FARS2: variants seen among roughly 807,000 people sequenced by gnomAD.
FARS2 encodes phenylalanine--tRNA ligase, mitochondrial.
Under a neutral mutation model 46.4 loss-of-function variants are expected in FARS2, and 40 were observed. That is an observed-to-expected ratio of 0.86 (90% CI 0.67 to 1.12). The LOEUF is 1.12. Ranked by LOEUF, FARS2 falls within the 50% of genes most tolerant of loss-of-function variation. The pLI is 0.00. For missense variants in FARS2, 513 were observed against 567.9 expected (o/e 0.90, Z 0.98); for synonymous variants, 234 against 214.9 (o/e 1.09, Z -0.78).
chr6:5,539,408 T>TATATATATATA (rs68137910), intron 4 of FARS2, among the ~76,000 whole-genome samples: 8 of 93,946 alleles, frequency 8.5e-5, no homozygotes, highest in East Asian at 4.1e-4. Context: ...ATGTATATAT[T>TATATATATATA]TTTTTAGTAG....
At chr6:5,610,846 G>A (rs1271338684) in intron 5 of FARS2, among the ~76,000 whole-genome samples, 2 of 152,120 alleles carry the variant, frequency 1.3e-5, no homozygotes, top group African/African-American at 2.4e-5. Flanking sequence ...GCCATTCCAC[G>A]TGGTTGCTAA....
chr6:5,468,834 C>CAGGGTA (rs1386701937), intron 4 of FARS2, among the ~76,000 whole-genome samples: 1 of 152,134 alleles, frequency 6.6e-6, no homozygotes, highest in African/African-American at 2.4e-5. Context: ...TTTGTCTTTA[C>CAGGGTA]AGGGTAATGT....
chr6:5,260,862 C>A, upstream of FARS2: 1 of 1,483,630 alleles, frequency 6.7e-7, no homozygotes. Context: ...TGCCAGCGGG[C>A]CGGGCCTAAG....
At chr6:5,513,206 G>A (rs1041657869) in intron 4 of FARS2, among the ~76,000 whole-genome samples, 5 of 152,194 alleles carry the variant, frequency 3.3e-5, no homozygotes, top group Admixed American at 3.3e-4. Context: ...CATGTGACAG[G>A]TGAGGGAGGG....
chr6:5,491,630 T>G (rs1415409416), intron 4 of FARS2, among the ~76,000 whole-genome samples: 1 of 152,214 alleles, frequency 6.6e-6, no homozygotes, highest in African/African-American at 2.4e-5. Flanking sequence ...CCGAAAGATA[T>G]GAGCGTTTCT....
chr6:5,539,433 C>T (rs1272778437), intron 4 of FARS2, among the ~76,000 whole-genome samples: 6 of 123,588 alleles, frequency 4.9e-5, no homozygotes, highest in Admixed American at 8.5e-5. Flanking sequence ...GGGGTTTCAC[C>T]ATGTTAGCCA....
intron 3 of FARS2, among the ~76,000 whole-genome samples, chr6:5,409,508 G>A (rs572660285): frequency 1.3e-5 from 2 of 151,688 alleles, no homozygotes; most frequent in Non-Finnish European, 2.9e-5. Flanking sequence ...CTTTCATTTC[G>A]GCATATGTTG....
At chr6:5,370,913 A>G (rs1470618873) in intron 2 of FARS2, among the ~76,000 whole-genome samples, 3 of 152,196 alleles carry the variant, frequency 2.0e-5, no homozygotes. Flanking sequence ...TATAAGGTGC[A>G]TCTGTGTTCA....
At chr6:5,289,496 A>G (rs1767355656) in intron 1 of FARS2, among the ~76,000 whole-genome samples, 1 of 152,218 alleles carries the variant, frequency 6.6e-6, no homozygotes, top group African/African-American at 2.4e-5. Flanking sequence ...GAGGGTTCCC[A>G]CTGGTTACTT....
chr6:5,369,312 A>G, intron 2 of FARS2, 130 bp downstream of exon 2: 1 of 870,564 alleles, frequency 1.1e-6, no homozygotes, highest in East Asian at 2.6e-5. Flanking sequence ...TGAATCATCC[A>G]TACTTAATGA....
intron 6 of FARS2, among the ~76,000 whole-genome samples, chr6:5,707,245 TA>T (rs1758816356): frequency 6.6e-6 from 1 of 151,722 alleles, no homozygotes; most frequent in African/African-American, 2.4e-5. Context: ...GTTTCACTCA[TA>T]AAAACGACTC....
In FARS2 at chr6:5,553,489, C is replaced by T. The variant is rs137947657; in HGVS notation, c.1065+8149C>T. ...AGCAGAGCCATCATCTCAATAGCAT[C>T]GTTATATTATGTATGTGGCTCAATC... On this transcript the variant is annotated intron_variant, in intron 5 of 6. Coordinates refer to ENST00000274680, the MANE Select transcript of FARS2 (RefSeq NM_006567.5). 2.6e-3 allele frequency among the ~76,000 whole-genome samples: 393 copies of T among 152,252 alleles called. 1 individual carries two copies. The highest frequency in any genetic ancestry group is 9.1e-3 in the African/African-American group (379 of 41,528).
chr6:5,453,966 G>T (rs1052635752), intron 4 of FARS2, among the ~76,000 whole-genome samples: 5 of 152,192 alleles, frequency 3.3e-5, no homozygotes, highest in Non-Finnish European at 7.4e-5. Context: ...TGGGCTGGAG[G>T]AGCCGAGGGA....
chr6:5,600,954 T>C (rs755798235), intron 5 of FARS2, among the ~76,000 whole-genome samples: 5 of 152,168 alleles, frequency 3.3e-5, no homozygotes, highest in Non-Finnish European at 7.3e-5. Flanking sequence ...GGGTAATTAG[T>C]TCATGAGGGT....
intron 6 of FARS2, among the ~76,000 whole-genome samples, chr6:5,667,756 G>A (rs79330917): frequency 0.014 from 2,196 of 152,300 alleles, 58 homozygotes; most frequent in African/African-American, 0.05. Context: ...GGGGGAAGTG[G>A]AGACCCAGCC....
intron 6 of FARS2, among the ~76,000 whole-genome samples, chr6:5,762,090 C>T (rs747829089): frequency 1.3e-5 from 2 of 152,198 alleles, no homozygotes; most frequent in Non-Finnish European, 2.9e-5. Context: ...AGTGATCCAT[C>T]TGTACAGACG....
intron 4 of FARS2, among the ~76,000 whole-genome samples, chr6:5,520,416 A>G (rs1300844902): frequency 6.6e-6 from 1 of 152,142 alleles, no homozygotes. Flanking sequence ...TTATTTCTTT[A>G]TATTTGGCAG....
chr6:5,367,871 A>G (rs2127641267), intron 1 of FARS2, among the ~76,000 whole-genome samples: 1 of 152,356 alleles, frequency 6.6e-6, no homozygotes. Context: ...ATCACTTTGT[A>G]CAATATTTCC....
chr6:5,710,354 A>C (rs1034231450), intron 6 of FARS2, among the ~76,000 whole-genome samples: 3 of 152,204 alleles, frequency 2.0e-5, no homozygotes, highest in Admixed American at 2.0e-4. Flanking sequence ...CCCTTTGTGT[A>C]GTAAATGTTG....
Sources: gnomAD v4.1 joint callset for allele counts (sites outside exome capture counted in the v4.1 genomes callset) on GRCh38, gnomAD v4.1.1 for gene constraint, MANE v1.5 for transcripts, NCBI Gene and HGNC (gene_info 2026-07-23, HGNC 2026-07-21) for gene names.